The following CEP170 variants were observed in gnomAD, a reference collection of about 807,000 sequenced individuals.
The protein encoded by CEP170 is centrosomal protein 170, also known as centrosomal protein of 170 kDa.
A neutral mutation model predicts 151.9 loss-of-function variants in CEP170; 21 were observed. That is an observed-to-expected ratio of 0.14 (90% confidence interval 0.10 to 0.20). The LOEUF (loss-of-function observed/expected upper bound fraction) is 0.20, where lower values mean the gene tolerates loss of function less well. Among genes scored for constraint, CEP170 ranks in the 10% least tolerant of loss-of-function variants. The pLI, the probability that CEP170 is intolerant of heterozygous loss-of-function variation, is 1.00. For missense variants in CEP170, 964 were observed against 1,892.9 expected (o/e 0.51, Z 9.11); for synonymous variants, 356 against 648.8 (o/e 0.55, Z 6.86).
chr1:243,125,043 A>G lies in CEP170; in HGVS notation c.*1406T>C, dbSNP rs2053599020. On this transcript the variant is annotated 3_prime_UTR_variant, in exon 20 of 20. Transcript: ENST00000366542. ...AGAGTTACTTTGTTTCTTAAAACAA[A>G]TATAGCACAGGATTATTGTGGAAAT... The G allele has an allele frequency of 6.6e-6, 1 of 152,184 alleles. No individual in the cohort carries two copies. The highest frequency in any genetic ancestry group is 2.1e-4 in the South Asian group (1 of 4,830). The allele number at this position is 152,184 out of a possible 1,614,324, so 9.4% of individuals were successfully genotyped here.
intron 11 of CEP170, among the ~76,000 whole-genome samples, chr1:243,172,342 A>G (rs141395992): frequency 0.051 from 7,806 of 152,306 alleles, 443 homozygotes; most frequent in East Asian, 0.19. Flanking sequence ...TTTACAAATG[A>G]TAAGAATTCA....
At chr1:243,207,246 A>G (rs965637708) in intron 4 of CEP170, among the ~76,000 whole-genome samples, 96 of 152,336 alleles carry the variant, frequency 6.3e-4, no homozygotes, top group African/African-American at 2.2e-3. Flanking sequence ...AACAACTATA[A>G]TATTAAGACA....
Position 243,148,101 on chromosome 1 carries a change from C to T in CEP170, c.3912-5638G>A, listed in dbSNP as rs561822512. Among the ~76,000 whole-genome samples, 8 of 152,088 alleles carry T rather than the reference C, an allele frequency of 5.3e-5. No individual in the cohort carries two copies. In the South Asian group the frequency reaches 1.0e-3, roughly 20 times the overall value. ...GGCTGAGGCAGGAGAATCCTTTGAA[C>T]TTGGGAGGTGGAGGTTGCAGTGAGC... On this transcript the variant is annotated intron_variant, in intron 14 of 19. Coordinates refer to ENST00000366542, the MANE Select transcript of CEP170 (RefSeq NM_014812.3).
intron 10 of CEP170, among the ~76,000 whole-genome samples, chr1:243,184,057 AT>A (rs1380720310): frequency 6.6e-6 from 1 of 152,146 alleles, no homozygotes; most frequent in African/African-American, 2.4e-5. Context: ...CTGAAAGAAC[AT>A]TCTGGGATTT....
intron 1 of CEP170, among the ~76,000 whole-genome samples, chr1:243,245,423 A>C (rs1334762069): frequency 6.6e-6 from 1 of 152,056 alleles, no homozygotes; most frequent in East Asian, 1.9e-4. Context: ...CTATAAAAAA[A>C]TAAAAAACCT....
At chr1:243,172,140 T>C (rs1185384952) in intron 11 of CEP170, among the ~76,000 whole-genome samples, 5 of 152,186 alleles carry the variant, frequency 3.3e-5, no homozygotes, top group African/African-American at 1.2e-4. Flanking sequence ...ACCATGAGCA[T>C]ATAGCTCATT....
intron 1 of CEP170, among the ~76,000 whole-genome samples, chr1:243,252,623 C>T (rs1292239665): frequency 1.3e-5 from 2 of 151,978 alleles, no homozygotes; most frequent in Admixed American, 1.3e-4. Context: ...ATAAATTTCA[C>T]TATTCTAATG....
chr1:243,231,729 C>T lies in CEP170; in HGVS notation c.-41-6408G>A, dbSNP rs558890023. ...AAAGGGAAATCAAAATGATACACTA[C>T]AAAAAAGTTCAATTTTTAAAAAGAC... On this transcript the variant is annotated intron_variant, in intron 1 of 19. Coordinates refer to ENST00000366542, the MANE Select transcript of CEP170 (RefSeq NM_014812.3). Among the ~76,000 whole-genome samples, 9 of 152,092 alleles carry T rather than the reference C, an allele frequency of 5.9e-5. No homozygotes were observed. In the East Asian group the frequency reaches 1.7e-3, roughly 29 times the overall value.
At chr1:243,231,834 G>A (rs940313242) in intron 1 of CEP170, among the ~76,000 whole-genome samples, 2 of 152,168 alleles carry the variant, frequency 1.3e-5, no homozygotes, top group Admixed American at 1.3e-4. Flanking sequence ...TTTATGCTGG[G>A]TGCGGTGGCT....
At chr1:243,148,250 G>A (rs2056721225) in intron 14 of CEP170, among the ~76,000 whole-genome samples, 1 of 151,686 alleles carries the variant, frequency 6.6e-6, no homozygotes, top group Non-Finnish European at 1.5e-5. Flanking sequence ...AAGACTCTAG[G>A]CATCATTTAT....
chr1:243,235,592 T>G (rs894398520), intron 1 of CEP170, among the ~76,000 whole-genome samples: 1 of 152,104 alleles, frequency 6.6e-6, no homozygotes, highest in Admixed American at 6.6e-5. Flanking sequence ...CCATATACAT[T>G]ATTAATTCTT....
At chr1:243,228,463 A>G (rs1050593064) in intron 1 of CEP170, among the ~76,000 whole-genome samples, 4 of 152,190 alleles carry the variant, frequency 2.6e-5, no homozygotes, top group African/African-American at 7.2e-5. Flanking sequence ...TTCAGAATAT[A>G]TACTTCCTGG....
intron 3 of CEP170, among the ~76,000 whole-genome samples, chr1:243,214,881 T>C (rs575640384): frequency 1.3e-5 from 2 of 152,326 alleles, no homozygotes; most frequent in Non-Finnish European, 2.9e-5. Context: ...CCTTTTATTT[T>C]TACTTTTGTA....
intron 1 of CEP170, among the ~76,000 whole-genome samples, chr1:243,244,042 A>G (rs2065119398): frequency 6.6e-6 from 1 of 152,178 alleles, no homozygotes; most frequent in Admixed American, 6.5e-5. Context: ...TCAGTAGTAC[A>G]TTCGGAAAAT....
chr1:243,167,948 T>C (rs1020647181), intron 12 of CEP170, among the ~76,000 whole-genome samples: 4 of 152,018 alleles, frequency 2.6e-5, no homozygotes, highest in Non-Finnish European at 2.9e-5. Context: ...TATCAGCTTA[T>C]GTAAATAAGT....
At chr1:243,253,116 C>G (rs1047681611) in intron 1 of CEP170, 8 of 152,094 alleles carry the variant, frequency 5.3e-5, no homozygotes, top group African/African-American at 1.9e-4. Context: ...AAGTAGCTAC[C>G]ATTAGGTAGT....
At chr1:243,157,383 G>T (rs375319875) in intron 13 of CEP170, among the ~76,000 whole-genome samples, 1 of 89,656 alleles carries the variant, frequency 1.1e-5, no homozygotes, top group Middle Eastern at 5.1e-3. Flanking sequence ...ATAAATAGAG[G>T]TAAAAAGAGA....
At chr1:243,161,585 T>C (rs995617473) in intron 13 of CEP170, among the ~76,000 whole-genome samples, 4 of 152,184 alleles carry the variant, frequency 2.6e-5, no homozygotes, top group African/African-American at 4.8e-5. Flanking sequence ...TCCTCTAACT[T>C]TGGCCTCCCC....
At chr1:243,215,299 T>A (rs2062165935) in intron 3 of CEP170, among the ~76,000 whole-genome samples, 1 of 152,114 alleles carries the variant, frequency 6.6e-6, no homozygotes, top group Non-Finnish European at 1.5e-5. Flanking sequence ...ACAGCGATGT[T>A]CAGGGAACAA....
Sources: allele counts gnomAD v4.1 joint callset (sites outside exome capture counted in the v4.1 genomes callset), GRCh38; gene constraint gnomAD v4.1.1; transcripts MANE v1.5; gene names NCBI Gene and HGNC (gene_info 2026-07-23, HGNC 2026-07-21).